ROCK1: variants seen among roughly 807,000 people sequenced by gnomAD.
The protein encoded by ROCK1 is rho-associated protein kinase 1.
ROCK1 carries 36 observed loss-of-function variants against 196.8 expected under a neutral mutation model. The ratio of observed to expected loss-of-function variants is 0.18; its 90% CI spans 0.14 to 0.24. The LOEUF (loss-of-function observed/expected upper bound fraction) is 0.24, where lower values mean the gene tolerates loss of function less well. ROCK1 is among the 10% of genes least tolerant of loss of function. ROCK1 has a pLI of 1.00. For synonymous variants in ROCK1, 443 were observed against 515.9 expected, an observed-to-expected ratio of 0.86 and a Z score of 1.91; for missense variants, 920 against 1,562.0, an observed-to-expected ratio of 0.59 and a Z score of 6.93.
intron 2 of ROCK1, among the ~76,000 whole-genome samples, chr18:21,066,825 G>C (rs1027944791): frequency 6.6e-6 from 1 of 152,194 alleles, no homozygotes; most frequent in Non-Finnish European, 1.5e-5. Context: ...TTTATCCATT[G>C]ATCAGCTGAC....
rs1349035419 is a variant in ROCK1 at position 20,947,614 on chromosome 18, T to TA, written c.*3769dup. ...AGTAAAACTGCTTGAGGCTAGGAGT[T>TA]AGAGACCACCCTGGGCAACATAATC... On this transcript the variant is annotated 3_prime_UTR_variant, in exon 33 of 33. Transcript: ENST00000399799. The TA allele has an allele frequency of 6.6e-6, 1 of 152,178 alleles. No homozygotes were observed. The highest frequency in any genetic ancestry group is 1.5e-5 in the Non-Finnish European group (1 of 68,052). 9.4% of individuals were successfully genotyped at this position (152,178 alleles called of 1,614,324 possible). A position where few individuals can be genotyped will look rare whatever the true frequency, so the allele number is the denominator to read the frequency against.
chr18:21,081,310 C>CAAATGA (rs2036481093), intron 1 of ROCK1, among the ~76,000 whole-genome samples: 1 of 151,742 alleles, frequency 6.6e-6, no homozygotes. Flanking sequence ...TACTTTGAGA[C>CAAATGA]AAATGAAAAT....
At chr18:20,978,638 G>A (rs1326907999) in intron 22 of ROCK1, among the ~76,000 whole-genome samples, 2 of 152,166 alleles carry the variant, frequency 1.3e-5, no homozygotes, top group East Asian at 3.9e-4. Context: ...GGAAACATAA[G>A]GGAAATGGGG....
Position 20,999,499 on chromosome 18 carries a change from T to C in ROCK1, c.1886-6562A>G, listed in dbSNP as rs1281920975. On this transcript the variant is annotated intron_variant, in intron 16 of 32. Coordinates refer to ENST00000399799, the MANE Select transcript of ROCK1 (RefSeq NM_005406.3). ...AAGGTATTCATGAAATACCCACAGC[T>C]AACATCATACTCAATGAACAATCCA... Among the ~76,000 whole-genome samples the C allele has an allele frequency of 2.0e-5, 3 of 152,172 alleles. No homozygotes were observed. The East Asian group carries it at 5.8e-4, about 29-fold the overall frequency.
intron 1 of ROCK1, 35 bp downstream of exon 1, chr18:21,110,783 A>G: frequency 6.4e-7 from 1 of 1,551,110 alleles, no homozygotes; most frequent in Non-Finnish European, 8.9e-7. Flanking sequence ...GACATGCAAA[A>G]CCCCAGACAA....
At chr18:20,967,107 TCAA>T (rs752944027) in intron 26 of ROCK1, 31 bp from the exon 27 acceptor site, 1 of 1,481,274 alleles carries the variant, frequency 6.8e-7, no homozygotes, top group African/African-American at 1.4e-5. Context: ...GATAATATAA[TCAA>T]GCTAAAACAA....
intron 9 of ROCK1, among the ~76,000 whole-genome samples, chr18:21,032,810 C>T (rs2143486402): frequency 6.6e-6 from 1 of 151,924 alleles, no homozygotes; most frequent in Non-Finnish European, 1.5e-5. Context: ...GGGTGAGCCA[C>T]CACACCCGGC....
intron 2 of ROCK1, among the ~76,000 whole-genome samples, chr18:21,063,852 C>T (rs2036312116): frequency 1.3e-5 from 2 of 152,194 alleles, no homozygotes; most frequent in Non-Finnish European, 2.9e-5. Flanking sequence ...CTGCACTTAT[C>T]AGTCTTTTCT....
At chr18:20,984,137 G>A (rs1318130735) in intron 20 of ROCK1, among the ~76,000 whole-genome samples, 1 of 152,164 alleles carries the variant, frequency 6.6e-6, no homozygotes, top group Non-Finnish European at 1.5e-5. Flanking sequence ...GATGACTTTT[G>A]TGGACATGAA....
chr18:21,049,114 G>A lies in ROCK1; in HGVS notation c.392C>T (p.Ala131Val). ...TACCTGAACAACCCAAGGACTGTTG[G>A]CAAAAGCCATGATGTCCCTTTCTTC... ...FWEERDIMAF[A>V]NSPWVVQLFY... Residue 131 changes from alanine to valine, a missense_variant, in exon 4 of 33, where the codon GCC becomes GTC. By Grantham distance (64) the Ala-to-Val change is moderately conservative (BLOSUM62 0). This residue lies in a region of ROCK1 where 234 missense variants were observed against 460.7 expected (regional missense o/e 0.51). Transcript: ENST00000399799. The A allele has an allele frequency of 6.2e-7, 1 of 1,610,320 alleles. No homozygotes were observed. The highest frequency in any genetic ancestry group is 8.5e-7 in the Non-Finnish European group (1 of 1,177,874).
chr18:20,959,040 A>AATATATATTTTATATAAT (rs1376289380), intron 29 of ROCK1, among the ~76,000 whole-genome samples: 2 of 57,426 alleles, frequency 3.5e-5, no homozygotes, highest in African/African-American at 2.8e-4. Flanking sequence ...TATTTTATAT[A>AATATATATTTTATATAAT]ATATATAATA....
chr18:21,041,046 G>A (rs1163848597), intron 8 of ROCK1, among the ~76,000 whole-genome samples: 1 of 151,836 alleles, frequency 6.6e-6, no homozygotes, highest in East Asian at 1.9e-4. Flanking sequence ...ACTTGAATCC[G>A]GGAGGTGGAG....
At chr18:20,978,012 T>C (rs985353750) in intron 22 of ROCK1, among the ~76,000 whole-genome samples, 1 of 152,184 alleles carries the variant, frequency 6.6e-6, no homozygotes, top group African/African-American at 2.4e-5. Context: ...TTTAAGATAA[T>C]ATACAGCTCT....
At chr18:21,002,337 T>TA (rs1226286750) in intron 16 of ROCK1, among the ~76,000 whole-genome samples, 1 of 152,168 alleles carries the variant, frequency 6.6e-6, no homozygotes, top group East Asian at 1.9e-4. Context: ...TGTCTAAACT[T>TA]AAAGAATTCC....
chr18:21,049,137 T>C lies in ROCK1; in HGVS notation c.369A>G (p.Glu123=). ...IKRSDSAFFW[E]ERDIMAFANS... is the part of the protein sequence containing the mutation. ...TGGCAAAAGCCATGATGTCCCTTTC[T>C]TCCCAGAAAAAAGCAGAATCAGATC... Residue 123 remains glutamate, a synonymous_variant, in exon 4 of 33, where the codon GAA becomes GAG. Coordinates refer to ENST00000399799, the MANE Select transcript of ROCK1 (RefSeq NM_005406.3). The C allele has an allele frequency of 6.2e-7, 1 of 1,612,582 alleles. No homozygotes were observed. The highest frequency in any genetic ancestry group is 1.1e-5 in the South Asian group (1 of 90,906).
At chr18:21,015,280 C>T in intron 13 of ROCK1, 151 bp downstream of exon 13, 1 of 657,908 alleles carries the variant, frequency 1.5e-6, no homozygotes. Context: ...CCACTTGAAA[C>T]TGCAGTTCCA....
intron 1 of ROCK1, among the ~76,000 whole-genome samples, chr18:21,096,549 C>A (rs1254840161): frequency 6.6e-6 from 1 of 152,060 alleles, no homozygotes; most frequent in East Asian, 1.9e-4. Flanking sequence ...CTGAAAGAGT[C>A]CTAACTAATT....
intron 21 of ROCK1, among the ~76,000 whole-genome samples, chr18:20,981,510 G>A (rs541180949): frequency 6.4e-4 from 98 of 152,216 alleles, no homozygotes; most frequent in Admixed American, 1.4e-3. Flanking sequence ...TTTTGCCAAC[G>A]CCAGTGAAAA....
chr18:21,014,924 C>T (rs1283558078), intron 13 of ROCK1, among the ~76,000 whole-genome samples: 4 of 152,136 alleles, frequency 2.6e-5, no homozygotes, highest in African/African-American at 9.7e-5. Flanking sequence ...TGCAAACAAA[C>T]ATCTGAATTA....
Sources: gnomAD v4.1 joint callset for allele counts (sites outside exome capture counted in the v4.1 genomes callset) on GRCh38, gnomAD v4.1.1 for gene constraint, gnomAD v4.1.1 regional missense constraint, MANE v1.5 for transcripts, NCBI Gene and HGNC (gene_info 2026-07-23, HGNC 2026-07-21) for gene names.